The following VLDLR variants were observed in gnomAD, a reference collection of about 807,000 sequenced individuals.
VLDLR encodes the protein very low density lipoprotein receptor.
VLDLR carries 81 observed loss-of-function variants against 112.7 expected under a neutral mutation model. That is an observed-to-expected ratio of 0.72 (90% CI 0.60 to 0.86). VLDLR has a LOEUF of 0.86. VLDLR is among the 40% of genes least tolerant of loss of function. The probability of loss-of-function intolerance (pLI) is 0.00; values close to 1 mark genes in which losing one functional copy is unlikely to be tolerated. For missense variants in VLDLR, 1,237 were observed against 1,099.4 expected, an observed-to-expected ratio of 1.13 and a Z score of -1.77; for synonymous variants, 436 against 384.8, an observed-to-expected ratio of 1.13 and a Z score of -1.56.
chr9:2,636,866 T>C (rs1817617452), intron 2 of VLDLR, among the ~76,000 whole-genome samples: 2 of 152,230 alleles, frequency 1.3e-5, no homozygotes, highest in Non-Finnish European at 2.9e-5. Context: ...CTAAACGATA[T>C]ATTTGGCAAA....
intron 14 of VLDLR, among the ~76,000 whole-genome samples, chr9:2,649,217 C>T (rs7865617): frequency 0.25 from 37,343 of 152,062 alleles, 5,175 homozygotes; most frequent in African/African-American, 0.35. Flanking sequence ...TGTCTCAAAA[C>T]TCTGGAGGCC....
At position 2,648,597 on chromosome 9, in the gene VLDLR, A is replaced by AAGTC; in HGVS notation, c.1963-71_1963-70insGTCA. 3.1e-6 allele frequency: 5 copies of AAGTC among 1,608,656 alleles called. 1 individual carries two copies. The South Asian group carries it at 5.5e-5, about 18-fold the overall frequency. ...AACTTAGTCCATTAAATGAGAAGTAAATGATGATGACCTTAGAAATGGACT... is the reference window on the plus strand; with the variant it reads ...AACTTAGTCCATTAAATGAGAAGTAAAGTCATGATGATGACCTTAGAAATGGACT... On this transcript the variant is annotated intron_variant, in intron 13 of 18. Coordinates refer to ENST00000382100, the MANE Select transcript of VLDLR (RefSeq NM_003383.5).
At chr9:2,625,281 A>C (rs995057968) in intron 1 of VLDLR, among the ~76,000 whole-genome samples, 3 of 152,226 alleles carry the variant, frequency 2.0e-5, no homozygotes, top group African/African-American at 7.2e-5. Context: ...GAACATGACC[A>C]TAAGATCAAG....
At chr9:2,624,431 G>A (rs1314404088) in intron 1 of VLDLR, among the ~76,000 whole-genome samples, 1 of 152,196 alleles carries the variant, frequency 6.6e-6, no homozygotes, top group Non-Finnish European at 1.5e-5. Flanking sequence ...CAAGACAGGT[G>A]AACACTGAGA....
rs764288104 is a variant in VLDLR, at chr9:2,648,366, C to T, written c.1962+19C>T. 3.1e-6 allele frequency: 5 copies of T among 1,614,032 alleles called. No individual in the cohort carries two copies. On this transcript the variant is annotated intron_variant, in intron 13 of 18. Coordinates refer to ENST00000382100, the MANE Select transcript of VLDLR (RefSeq NM_003383.5). Reference sequence around the variant, plus strand: ...ATTTGAGGTAAGATGTGTCTCACATCAAAGTGTGTACCTTTGAGCTACTAT... The same window carrying T: ...ATTTGAGGTAAGATGTGTCTCACATTAAAGTGTGTACCTTTGAGCTACTAT...
intron 1 of VLDLR, among the ~76,000 whole-genome samples, chr9:2,630,541 C>T (rs1270849650): frequency 6.6e-6 from 1 of 152,190 alleles, no homozygotes; most frequent in Non-Finnish European, 1.5e-5. Context: ...TCTCTATATT[C>T]TGGGCATGCA....
intron 14 of VLDLR, among the ~76,000 whole-genome samples, chr9:2,649,028 C>T (rs754431175): frequency 4.6e-5 from 7 of 152,174 alleles, no homozygotes; most frequent in Non-Finnish European, 7.3e-5. Flanking sequence ...CCTCCCAAGC[C>T]TCAGTGTCAG....
chr9:2,641,639 G>T lies in VLDLR; in HGVS notation c.448+140G>T. The stretch of plus-strand genomic sequence containing the variant: ...GACTTCACTATCTGCTCAATTACTT[G>T]TCCTTCATAACTGCCCTAAAACCCT... On this transcript the variant is annotated intron_variant, in intron 4 of 18. Coordinates refer to ENST00000382100, the MANE Select transcript of VLDLR (RefSeq NM_003383.5). 4 of 1,298,426 alleles carry T rather than the reference G, an allele frequency of 3.1e-6. No individual in the cohort carries two copies. In the East Asian group the frequency reaches 7.4e-5, roughly 24 times the overall value. The allele number at this position is 1,298,426 out of a possible 1,614,324, so 80.4% of individuals were successfully genotyped here.
At chr9:2,649,514 C>T (rs1322841603) in intron 14 of VLDLR, among the ~76,000 whole-genome samples, 2 of 152,178 alleles carry the variant, frequency 1.3e-5, no homozygotes, top group Non-Finnish European at 2.9e-5. Context: ...GCCTCAGCCT[C>T]CCGAGTAGCT....
chr9:2,621,802 C>A lies in VLDLR; in HGVS notation c.-388C>A. On this transcript the variant is annotated 5_prime_UTR_variant, in exon 1 of 19. Coordinates refer to ENST00000382100, the MANE Select transcript of VLDLR (RefSeq NM_003383.5). ...CCCGCTGCTCACCCCGCTCTCCGGC[C>A]GCCGCCGGTGCGGGTGCTCCGCTAC... is the stretch of plus-strand genomic sequence containing the variant. The A allele has an allele frequency of 8.2e-6, 4 of 487,574 alleles. No homozygotes were observed. The highest frequency in any genetic ancestry group is 6.4e-5 in the South Asian group (4 of 62,562). 30.2% of individuals were successfully genotyped at this position (487,574 alleles called of 1,614,324 possible).
In VLDLR at chr9:2,635,380, C is replaced by T. The variant is rs1817555465; in HGVS notation, c.83-73C>T. ...CTGCAGTATCCTTCTGAGAAGGTCC[C>T]CATCCATGGGTATTAGGTATCTTGA... On this transcript the variant is annotated intron_variant, in intron 1 of 18. Coordinates refer to ENST00000382100, the MANE Select transcript of VLDLR (RefSeq NM_003383.5). 34 of 1,608,934 alleles carry T rather than the reference C, an allele frequency of 2.1e-5. 1 individual carries two copies. In the South Asian group the frequency reaches 3.6e-4, roughly 17 times the overall value.
intron 1 of VLDLR, among the ~76,000 whole-genome samples, chr9:2,631,222 T>C (rs1817335977): frequency 6.6e-6 from 1 of 152,214 alleles, no homozygotes; most frequent in African/African-American, 2.4e-5. Flanking sequence ...GGTGAGAATG[T>C]AAACTAATAC....
intron 1 of VLDLR, 22 bp from the exon 2 acceptor site, chr9:2,635,431 G>T: frequency 6.2e-7 from 1 of 1,613,562 alleles, no homozygotes; most frequent in South Asian, 1.1e-5. Context: ...TTGCTTTACC[G>T]AATGTTCCCT....
rs1563771675 is a variant in VLDLR at position 2,655,166 on chromosome 9, G to A, written c.*1298G>A. The A allele has an allele frequency of 6.6e-6, 1 of 152,204 alleles. No individual in the cohort carries two copies. The highest frequency in any genetic ancestry group is 1.5e-5 in the Non-Finnish European group (1 of 68,036). 9.4% of individuals were successfully genotyped at this position (152,204 alleles called of 1,614,324 possible). Reference sequence around the variant, plus strand: ...CACCGTTTTACTGTGACTTCATGAAGAATATAATTGCAATATCACCTAAAT... The same window carrying A: ...CACCGTTTTACTGTGACTTCATGAAAAATATAATTGCAATATCACCTAAAT... On this transcript the variant is annotated 3_prime_UTR_variant, in exon 19 of 19. Transcript: ENST00000382100.
At position 2,635,590 on chromosome 9, in the gene VLDLR, T is replaced by A. The variant is rs1252584519; in HGVS notation, c.202+18T>A. 6.2e-7 allele frequency: 1 copy of A among 1,614,032 alleles called. No homozygotes were observed. The highest frequency in any genetic ancestry group is 8.5e-7 in the Non-Finnish European group (1 of 1,179,892). On this transcript the variant is annotated intron_variant, in intron 2 of 18. Transcript: ENST00000382100. ...GAACTGTGGTAAGTAAAGAGTTTGATGACTTATGCATTTTGTTAAAATATG... is the reference window on the plus strand; with the variant it reads ...GAACTGTGGTAAGTAAAGAGTTTGAAGACTTATGCATTTTGTTAAAATATG...
chr9:2,639,050 A>G (rs1817718714), intron 2 of VLDLR, among the ~76,000 whole-genome samples: 1 of 152,306 alleles, frequency 6.6e-6, no homozygotes, highest in South Asian at 2.1e-4. Context: ...CATTCTCCAC[A>G]CTAAACACAT....
intron 12 of VLDLR, 43 bp downstream of exon 12, chr9:2,647,635 CAT>C: frequency 6.6e-7 from 1 of 1,504,642 alleles, no homozygotes; most frequent in South Asian, 1.1e-5. Flanking sequence ...CAACTATCTT[CAT>C]AGTGTTTCCA....
chr9:2,643,595 G>A (rs1817925098), intron 5 of VLDLR, 33 bp from the exon 6 acceptor site: 3 of 1,614,170 alleles, frequency 1.9e-6, no homozygotes, highest in Middle Eastern at 1.6e-4. Context: ...ACAATTTGCT[G>A]GCTTCATTCC....
rs555206503 is a variant in VLDLR, at chr9:2,654,428, A to C, written c.*560A>C. 6.3e-6 allele frequency: 1 copy of C among 158,374 alleles called. No individual in the cohort carries two copies. The highest frequency in any genetic ancestry group is 1.9e-4 in the East Asian group (1 of 5,392). 9.8% of individuals were successfully genotyped at this position (158,374 alleles called of 1,614,324 possible). On this transcript the variant is annotated 3_prime_UTR_variant, in exon 19 of 19. Transcript: ENST00000382100. Reference sequence around the variant, plus strand: ...GGAGGTTTGCAAAGACTGAGTGTTCAAACTACTGTACATTTTTTTTCAAGT... The same window carrying C: ...GGAGGTTTGCAAAGACTGAGTGTTCCAACTACTGTACATTTTTTTTCAAGT...
Sources: allele counts gnomAD v4.1 joint callset (sites outside exome capture counted in the v4.1 genomes callset), GRCh38; gene constraint gnomAD v4.1.1; transcripts MANE v1.5; gene names NCBI Gene and HGNC (gene_info 2026-07-23, HGNC 2026-07-21).